The following PIGR variants were observed in gnomAD, a reference collection of about 807,000 sequenced individuals.
The protein encoded by PIGR is polymeric immunoglobulin receptor, also known as hepatocellular carcinoma associated protein TB6.
PIGR carries 22 observed loss-of-function variants against 69.5 expected under a neutral mutation model. That is an observed-to-expected ratio of 0.32 (90% CI 0.23 to 0.45). The LOEUF (loss-of-function observed/expected upper bound fraction) is 0.45, where lower values mean the gene tolerates loss of function less well. PIGR is among the 20% of genes least tolerant of loss of function. The pLI, the probability that PIGR is intolerant of heterozygous loss-of-function variation, is 1.00. For synonymous variants in PIGR, 413 were observed against 407.6 expected (o/e 1.01, Z -0.16); for missense variants, 885 against 974.0 (o/e 0.91, Z 1.22).
intron 1 of PIGR, among the ~76,000 whole-genome samples, chr1:206,944,457 G>C (rs981015540): frequency 1.3e-5 from 2 of 151,918 alleles, no homozygotes; most frequent in African/African-American, 4.8e-5. Flanking sequence ...TGGGTGACAG[G>C]GCAAGATTCC....
rs1680006497 is a variant in PIGR at position 206,942,478 on chromosome 1, C to T, written c.-53-1894G>A. Among the ~76,000 whole-genome samples the T allele has an allele frequency of 2.6e-5, 4 of 152,230 alleles. No individual in the cohort carries two copies. In the South Asian group the frequency reaches 8.3e-4, roughly 31 times the overall value. ...TGTGCTGGCACAGGGTGGGTGCAGT[C>T]ACAGGTGGGAGGACAAAATGCTGCC... On this transcript the variant is annotated intron_variant, in intron 1 of 10. Coordinates refer to ENST00000356495, the MANE Select transcript of PIGR (RefSeq NM_002644.4).
In PIGR at chr1:206,930,360, G is replaced by A. The variant is rs1182346027; in HGVS notation, c.2253C>T (p.Ser751=). 1 of 1,612,952 alleles carries A rather than the reference G, an allele frequency of 6.2e-7. No individual in the cohort carries two copies. Among genetic ancestry groups the A allele is most frequent in the East Asian group, 2.2e-5 (1 of 44,736 alleles). The change falls in exon 11 of 11, where the codon AGC becomes AGT. Residue 751 remains serine (S), a synonymous_variant. Coordinates refer to ENST00000356495, the MANE Select transcript of PIGR (RefSeq NM_002644.4). The surrounding 1 kb of genome is among the most constrained non-coding windows in gnomAD (Gnocchi z 4.3). ...CGTCCTGGGCCTCGGCGGCCACGGT[G>A]CTGGACTGGAGCAGGAAGTCTTTGT... is the stretch of plus-strand genomic sequence containing the variant. The part of the protein sequence containing the change: ...MAYKDFLLQS[S]TVAAEAQDGP...
chr1:206,937,516 G>T lies in PIGR; in HGVS notation c.624C>A (p.Asn208Lys). The change falls in exon 4 of 11, where the codon AAC (asparagine) becomes AAA (lysine). Residue 208 changes from asparagine to lysine, a missense_variant. Transcript: ENST00000356495. ...GCCCAGCATCGCTGAGCCTGAGTTGGTTGATGACAACGCTGAACAGTAACT... is the reference window on the plus strand; with the variant it reads ...GCCCAGCATCGCTGAGCCTGAGTTGTTTGATGACAACGCTGAACAGTAACT... ...TGQLLFSVVI[N>K]QLRLSDAGQY... 6.2e-7 allele frequency: 1 copy of T among 1,614,224 alleles called. No individual in the cohort carries two copies. Among genetic ancestry groups the T allele is most frequent in the Admixed American group, 1.7e-5 (1 of 60,024 alleles).
intron 1 of PIGR, among the ~76,000 whole-genome samples, chr1:206,943,582 T>C (rs1680040641): frequency 6.6e-6 from 1 of 152,218 alleles, no homozygotes; most frequent in African/African-American, 2.4e-5. Flanking sequence ...TTTTTCTTTT[T>C]ATAAAATGTA....
chr1:206,930,447 G>A lies in PIGR; in HGVS notation c.2200-34C>T, dbSNP rs373109490. 1.1e-3 allele frequency: 1,824 copies of A among 1,602,412 alleles called. 1 individual carries two copies. The highest frequency in any genetic ancestry group is 1.5e-3 in the Admixed American group (90 of 58,588). Reference sequence around the variant, plus strand: ...CAAGAGGAGAGGCATCAGTGTTGGGGGCACTGGCTCAGTGGGTGGAGTCAG... The same window carrying A: ...CAAGAGGAGAGGCATCAGTGTTGGGAGCACTGGCTCAGTGGGTGGAGTCAG... On this transcript the variant is annotated intron_variant, in intron 10 of 10. Coordinates refer to ENST00000356495, the MANE Select transcript of PIGR (RefSeq NM_002644.4). The surrounding 1 kb of genome is among the most constrained non-coding windows in gnomAD (Gnocchi z 4.3).
At chr1:206,940,628 CCAA>C in intron 1 of PIGR, 44 bp from the exon 2 acceptor site, 3 of 1,220,134 alleles carry the variant, frequency 2.5e-6, no homozygotes, top group Non-Finnish European at 3.4e-6. Flanking sequence ...CCCTTGTCTT[CCAA>C]GACTAGTTGA....
intron 3 of PIGR, among the ~76,000 whole-genome samples, chr1:206,938,180 A>G (rs1256231533): frequency 1.3e-5 from 2 of 152,230 alleles, no homozygotes; most frequent in African/African-American, 4.8e-5. Context: ...ATGGATTTCA[A>G]CGCATACAAT....
At chr1:206,944,649 C>T (rs569001339) in intron 1 of PIGR, among the ~76,000 whole-genome samples, 2 of 152,324 alleles carry the variant, frequency 1.3e-5, no homozygotes, top group East Asian at 3.9e-4. Context: ...CTTTCCACTC[C>T]ACCATACTGT....
At chr1:206,933,283 GGCT>G in intron 6 of PIGR, 117 bp from the exon 7 acceptor site, 1 of 986,336 alleles carries the variant, frequency 1.0e-6, no homozygotes, top group East Asian at 2.6e-5. Flanking sequence ...TCGATCTCAA[GGCT>G]GTTGGGGTAG....
Position 206,931,505 on chromosome 1 carries a change from C to A in PIGR, c.2191G>T (p.Ala731Ser), listed in dbSNP as rs1311079721. The A allele has an allele frequency of 6.2e-7, 1 of 1,613,954 alleles. No homozygotes were observed. Among genetic ancestry groups the A allele is most frequent in the Non-Finnish European group, 8.5e-7 (1 of 1,179,966 alleles). Residue 731 changes from alanine to serine, a missense_variant, in exon 10 of 11, where the codon GCA (alanine) becomes TCA (serine). Coordinates refer to ENST00000356495, the MANE Select transcript of PIGR (RefSeq NM_002644.4). ...TCCTTCTTCCTCCTCACCCTTTTTG[C>A]CTTCTTGGGTTCTTTGGTCTCTGTG... ...STTETKEPKK[A>S]KRSSKEEAEM...
At chr1:206,944,341 C>A (rs1456657095) in intron 1 of PIGR, among the ~76,000 whole-genome samples, 4 of 152,070 alleles carry the variant, frequency 2.6e-5, no homozygotes, top group Non-Finnish European at 5.9e-5. Flanking sequence ...GGTGTGGTGG[C>A]ATGGGTCTGT....
At chr1:206,941,997 G>A (rs1283101161) in intron 1 of PIGR, among the ~76,000 whole-genome samples, 2 of 152,180 alleles carry the variant, frequency 1.3e-5, no homozygotes, top group Admixed American at 6.5e-5. Flanking sequence ...CCTGCTCCCA[G>A]ACTCCCTTCA....
chr1:206,931,686 G>C lies in PIGR; in HGVS notation c.2125C>G (p.Leu709Val), dbSNP rs1485041012. 6.2e-7 allele frequency: 1 copy of C among 1,614,122 alleles called. No individual in the cohort carries two copies. The highest frequency in any genetic ancestry group is 1.1e-5 in the South Asian group (1 of 91,074). The change falls in exon 9 of 11, where the codon CTC becomes GTC. Residue 709 changes from leucine to valine, a missense_variant. Physicochemically the swap from Leu to Val is conservative, Grantham distance 32. Coordinates refer to ENST00000356495, the MANE Select transcript of PIGR (RefSeq NM_002644.4). ...AGGGTCATACCTTCTTTTCCTCCGA[G>C]GGATGTCTCCTGAGTGATCGAAGAG... ...GASSITQETS[L>V]GGKEEFVATT...
intron 10 of PIGR, 33 bp downstream of exon 10, chr1:206,931,464 G>T (rs777918252): frequency 1.9e-6 from 3 of 1,613,830 alleles, no homozygotes; most frequent in Non-Finnish European, 8.5e-7. Context: ...GCATTTCTTT[G>T]TCATGTAGTG....
At chr1:206,932,375 G>T in intron 8 of PIGR, 81 bp downstream of exon 8, 1 of 1,436,928 alleles carries the variant, frequency 7.0e-7, no homozygotes, top group Non-Finnish European at 9.3e-7. Context: ...AAGAGACACA[G>T]CAGCTTCCTC....
intron 6 of PIGR, 87 bp downstream of exon 6, chr1:206,934,333 C>T: frequency 8.4e-7 from 1 of 1,184,742 alleles, no homozygotes; most frequent in Non-Finnish European, 1.2e-6. Context: ...TAGGGGCCAG[C>T]ACTGATTGAG....
intron 3 of PIGR, 108 bp downstream of exon 3, chr1:206,939,011 C>T: frequency 1.0e-6 from 1 of 1,002,410 alleles, no homozygotes; most frequent in Non-Finnish European, 1.5e-6. Flanking sequence ...TTCTGACCCC[C>T]AACCCGGCTA....
At chr1:206,941,470 A>G (rs1679983916) in intron 1 of PIGR, among the ~76,000 whole-genome samples, 1 of 152,220 alleles carries the variant, frequency 6.6e-6, no homozygotes, top group Non-Finnish European at 1.5e-5. Flanking sequence ...TGAGCTTTAT[A>G]TGTTCCCTTG....
Position 206,935,881 on chromosome 1 carries a change from G to A in PIGR, c.1046-63C>T, listed in dbSNP as rs1317241202. 7.7e-7 allele frequency: 1 copy of A among 1,292,448 alleles called. No individual in the cohort carries two copies. The highest frequency in any genetic ancestry group is 1.1e-6 in the Non-Finnish European group (1 of 931,264). The allele number at this position is 1,292,448 out of a possible 1,614,324, so 80.1% of individuals were successfully genotyped here. ...ACGCAGGAAGAGCCTTGCGTGGCCTGAGAAGCCTTCTTCCCGGGGTCTCAG... is the reference window on the plus strand; with the variant it reads ...ACGCAGGAAGAGCCTTGCGTGGCCTAAGAAGCCTTCTTCCCGGGGTCTCAG... On this transcript the variant is annotated intron_variant, in intron 4 of 10. Coordinates refer to ENST00000356495, the MANE Select transcript of PIGR (RefSeq NM_002644.4). The surrounding 1 kb of genome is among the most constrained non-coding windows in gnomAD (Gnocchi z 4.4).
Sources: gnomAD v4.1 joint callset for allele counts (sites outside exome capture counted in the v4.1 genomes callset) on GRCh38, gnomAD v4.1.1 for gene constraint, Gnocchi (gnomAD v3.1) non-coding constraint, MANE v1.5 for transcripts, NCBI Gene and HGNC (gene_info 2026-07-23, HGNC 2026-07-21) for gene names.